SETD1A: variants seen among roughly 807,000 people sequenced by gnomAD.
SETD1A encodes the protein histone-lysine N-methyltransferase SETD1A.
In SETD1A, 29 loss-of-function variants were observed where a neutral mutation model predicts 149.9. The ratio of observed to expected loss-of-function variants is 0.19; its 90% CI spans 0.14 to 0.26. SETD1A has a LOEUF of 0.26. SETD1A is among the 10% of genes least tolerant of loss of function. SETD1A has a pLI of 1.00. For synonymous variants in SETD1A, 1,141 were observed against 968.5 expected (o/e 1.18, Z -3.31); for missense variants, 2,109 against 2,353.1 (o/e 0.90, Z 2.15).
Position 30,964,121 on chromosome 16 carries a change from G to A in SETD1A, c.667G>A (p.Asp223Asn), listed in dbSNP as rs550270592. Residue 223 changes from aspartate to asparagine, a missense_variant, in exon 6 of 19, where the codon GAC (aspartate) becomes AAC (asparagine). By Grantham distance (23) the Asp-to-Asn change is conservative. Around this residue, in one of 8 missense-constraint regions of SETD1A, gnomAD observed 410 missense variants for 394.8 expected, o/e 1.04. Transcript: ENST00000262519. ...CGAATCCCGCCGCCGCTCTTCCTCT[G>A]ACACAGCTGCCTACCCAGCAGGCAC... Reference protein sequence around the residue: ...TAESRRRSSSDTAAYPAGTTA... With the variant: ...TAESRRRSSSNTAAYPAGTTA... 9 of 1,613,810 alleles carry A rather than the reference G, an allele frequency of 5.6e-6. No homozygotes were observed. The East Asian group carries it at 1.8e-4, about 32-fold the overall frequency.
intron 3 of SETD1A, among the ~76,000 whole-genome samples, chr16:30,960,444 T>TG (rs1412960303): frequency 5.3e-5 from 8 of 152,340 alleles, no homozygotes; most frequent in African/African-American, 1.9e-4. Context: ...TCAGTAAGAA[T>TG]GACACCATCT....
chr16:30,973,845 T>C (rs909311105), intron 13 of SETD1A, among the ~76,000 whole-genome samples: 1 of 152,050 alleles, frequency 6.6e-6, no homozygotes, highest in Non-Finnish European at 1.5e-5. Context: ...CTCTCCAACC[T>C]CTTCTGGGCC....
chr16:30,961,740 A>G lies in SETD1A; in HGVS notation c.517+203A>G, dbSNP rs186442914. The stretch of plus-strand genomic sequence containing the variant: ...GTGGTGTCTCCAGCAAGGTCGGGCA[A>G]TAGGCCATAATCAAGCACATAACTA... On this transcript the variant is annotated intron_variant, in intron 4 of 18. Coordinates refer to ENST00000262519, the MANE Select transcript of SETD1A (RefSeq NM_014712.3). The surrounding 1 kb of genome is among the most constrained non-coding windows in gnomAD (Gnocchi z 4.0). Among the ~76,000 whole-genome samples, 309 of 152,170 alleles carry G rather than the reference A, an allele frequency of 2.0e-3. 2 individuals carry two copies. The highest frequency in any genetic ancestry group is 7.1e-3 in the African/African-American group (293 of 41,514).
At chr16:30,966,518 G>A in intron 8 of SETD1A, 132 bp downstream of exon 8, 2 of 1,386,816 alleles carry the variant, frequency 1.4e-6, no homozygotes, top group Non-Finnish European at 1.9e-6. Flanking sequence ...GGCCCTGCAG[G>A]CCACCCTGGG....
rs746035279 is a variant in SETD1A, at chr16:30,964,734, C to G, written c.992C>G (p.Thr331Ser). Residue 331 changes from threonine (T) to serine (S), a missense_variant, in exon 7 of 19, where the codon ACT becomes AGT. Physicochemically the swap from Thr to Ser is moderately conservative, Grantham distance 58 (BLOSUM62 1). Around this residue, in one of 8 missense-constraint regions of SETD1A, gnomAD observed 410 missense variants for 394.8 expected, o/e 1.04. Transcript: ENST00000262519. ...TTASTAIAAT[T>S]AATASSSASS... ...GCCTCCACGGCCATCGCCGCCACCACTGCAGCCACTGCCTCATCCTCCGCC... is the reference window on the plus strand; with the variant it reads ...GCCTCCACGGCCATCGCCGCCACCAGTGCAGCCACTGCCTCATCCTCCGCC... 1.9e-6 allele frequency: 3 copies of G among 1,614,238 alleles called. No individual in the cohort carries two copies. Among genetic ancestry groups the G allele is most frequent in the Non-Finnish European group, 2.5e-6 (3 of 1,180,044 alleles).
intron 10 of SETD1A, among the ~76,000 whole-genome samples, chr16:30,968,948 T>G (rs1057299197): frequency 1.3e-5 from 2 of 151,694 alleles, no homozygotes; most frequent in African/African-American, 4.8e-5. Context: ...CTACAAAAAT[T>G]TTTAAAAATT....
Position 30,961,743 on chromosome 16 carries a change from G to A in SETD1A, c.517+206G>A, listed in dbSNP as rs1234313530. On this transcript the variant is annotated intron_variant, in intron 4 of 18. Transcript: ENST00000262519. This position sits in a 1 kb window ranked among gnomAD's most constrained non-coding sequence, Gnocchi z 4.0. ...GTGTCTCCAGCAAGGTCGGGCAATA[G>A]GCCATAATCAAGCACATAACTATCT... 5.9e-5 allele frequency among the ~76,000 whole-genome samples: 9 copies of A among 151,584 alleles called. No homozygotes were observed.
intron 13 of SETD1A, among the ~76,000 whole-genome samples, chr16:30,973,710 C>T (rs538300264): frequency 1.3e-5 from 2 of 152,198 alleles, no homozygotes; most frequent in Admixed American, 6.6e-5. Flanking sequence ...CCCAGTTGCA[C>T]GTTGTTGAGA....
rs1415699702 is a variant in SETD1A at position 30,980,174 on chromosome 16, C to T, written c.4388C>T (p.Thr1463Ile). ...AGCGGGGCTGACTGGCTCAACGACA[C>T]TCACTGGGTCCATCACACAAATATC... is the stretch of plus-strand genomic sequence containing the variant. ...QTSGADWLND[T>I]HWVHHTITNL... The change falls in exon 14 of 19, where the codon ACT (threonine) becomes ATT (isoleucine). Residue 1463 changes from threonine to isoleucine, a missense_variant. Thr to Ile is a moderately conservative substitution (Grantham distance 89, BLOSUM62 -1). Around this residue, in one of 8 missense-constraint regions of SETD1A, gnomAD observed 254 missense variants for 409.3 expected, o/e 0.62. Transcript: ENST00000262519. The surrounding 1 kb of genome is among the most constrained non-coding windows in gnomAD (Gnocchi z 7.7). 6.2e-7 allele frequency: 1 copy of T among 1,608,754 alleles called. No individual in the cohort carries two copies. Among genetic ancestry groups the T allele is most frequent in the Admixed American group, 1.7e-5 (1 of 58,998 alleles).
At chr16:30,963,039 CT>C (rs1343574675) in intron 4 of SETD1A, among the ~76,000 whole-genome samples, 1 of 152,172 alleles carries the variant, frequency 6.6e-6, no homozygotes, top group East Asian at 1.9e-4. Flanking sequence ...GTTCTGCATG[CT>C]TTAGTTTACA....
At position 30,980,565 on chromosome 16, in the gene SETD1A, G is replaced by A; in HGVS notation, c.4489G>A (p.Glu1497Lys). The A allele has an allele frequency of 6.2e-7, 1 of 1,614,150 alleles. No individual in the cohort carries two copies. The highest frequency in any genetic ancestry group is 8.5e-7 in the Non-Finnish European group (1 of 1,180,040). The change falls in exon 15 of 19, where the codon GAA becomes AAA. Residue 1497 changes from glutamate to lysine, a missense_variant. Glu to Lys is a moderately conservative substitution (Grantham distance 56). Coordinates refer to ENST00000262519, the MANE Select transcript of SETD1A (RefSeq NM_014712.3). The surrounding 1 kb of genome is among the most constrained non-coding windows in gnomAD (Gnocchi z 7.7). ...REHQTGSARS[E>K]GYYPISKKEK... ...GCACCAGACAGGCTCAGCCCGCAGCGAAGGCTACTACCCCATCAGCAAGAA... is the reference window on the plus strand; with the variant it reads ...GCACCAGACAGGCTCAGCCCGCAGCAAAGGCTACTACCCCATCAGCAAGAA...
intron 8 of SETD1A, among the ~76,000 whole-genome samples, 160 bp downstream of exon 8, chr16:30,966,546 G>A (rs1212595877): frequency 1.3e-5 from 2 of 152,176 alleles, no homozygotes; most frequent in African/African-American, 4.8e-5. Flanking sequence ...GGGAGTTGAG[G>A]GGACAGAGAA....
In SETD1A at chr16:30,983,158, C is replaced by T. The variant is rs1040922361; in HGVS notation, c.4813-477C>T. Among the ~76,000 whole-genome samples the T allele has an allele frequency of 6.6e-6, 1 of 152,150 alleles. No individual in the cohort carries two copies. The highest frequency in any genetic ancestry group is 1.5e-5 in the Non-Finnish European group (1 of 68,016). On this transcript the variant is annotated intron_variant, in intron 17 of 18. Transcript: ENST00000262519. This position sits in a 1 kb window ranked among gnomAD's most constrained non-coding sequence, Gnocchi z 6.8. ...TGTCTTCTGGGAAGTAAGGGTTGCT[C>T]CTCACACGGAGGTGCGGGGCCTGAC... is the stretch of plus-strand genomic sequence containing the variant.
chr16:30,970,981 G>A lies in SETD1A; in HGVS notation c.3017-397G>A, dbSNP rs558102186. 9.7e-4 allele frequency among the ~76,000 whole-genome samples: 147 copies of A among 152,106 alleles called. 1 individual carries two copies. The highest frequency in any genetic ancestry group is 3.4e-3 in the African/African-American group (141 of 41,488). On this transcript the variant is annotated intron_variant, in intron 12 of 18. Transcript: ENST00000262519. Reference sequence around the variant, plus strand: ...AGAATCCTTTTTCACCCAATCCTTCGTCCAGACTGGGTCCTGAGACCCACT... The same window carrying A: ...AGAATCCTTTTTCACCCAATCCTTCATCCAGACTGGGTCCTGAGACCCACT...
At chr16:30,958,052 G>A (rs1187891893) in intron 1 of SETD1A, 88 bp downstream of exon 1, 2 of 150,542 alleles carry the variant, frequency 1.3e-5, no homozygotes, top group Admixed American at 1.3e-4. Context: ...GTCTCGCGCT[G>A]CCGCTGCCGC....
intron 6 of SETD1A, 114 bp downstream of exon 6, chr16:30,964,437 T>G (rs2056105353): frequency 7.6e-7 from 1 of 1,321,004 alleles, no homozygotes; most frequent in Admixed American, 2.1e-5. Flanking sequence ...TGTCCTAGTT[T>G]CTCTGTGGAT....
rs780194513 is a variant in SETD1A, at chr16:30,967,024, A to G, written c.2646A>G (p.Ser882=). Residue 882 remains serine (S), a synonymous_variant, in exon 9 of 19, where the codon TCA becomes TCG. Transcript: ENST00000262519. Reference sequence around the variant, plus strand: ...GCATCGAGGCTTTCGCCTTTGGGTCAGGGCTGAGAGGGGCCCTGCGGCTGC... The same window carrying G: ...GCATCGAGGCTTTCGCCTTTGGGTCGGGGCTGAGAGGGGCCCTGCGGCTGC... The part of the protein sequence containing the change: ...TTGIEAFAFG[S]GLRGALRLPS... 21 of 1,565,082 alleles carry G rather than the reference A, an allele frequency of 1.3e-5. No individual in the cohort carries two copies. In the East Asian group the frequency reaches 4.5e-4, roughly 34 times the overall value.
Position 30,964,079 on chromosome 16 carries a change from G to A in SETD1A, c.640-15G>A. ...GAGCCCATTCCTCTCTCCTTGCCCT[G>A]CTCTGTCGCTCTAGGCCGAATCCCG... On this transcript the variant is annotated splice_polypyrimidine_tract_variant and intron_variant, in intron 5 of 18. Coordinates refer to ENST00000262519, the MANE Select transcript of SETD1A (RefSeq NM_014712.3). 6.2e-7 allele frequency: 1 copy of A among 1,606,140 alleles called. No homozygotes were observed. Among genetic ancestry groups the A allele is most frequent in the Non-Finnish European group, 8.5e-7 (1 of 1,176,638 alleles).
At chr16:30,958,672 GC>G in intron 1 of SETD1A, 44 bp from the exon 2 acceptor site, 4 of 1,549,778 alleles carry the variant, frequency 2.6e-6, no homozygotes, top group Non-Finnish European at 8.9e-7. Flanking sequence ...GGGGAGTCAG[GC>G]CCCAAGTCCT....
Sources: gnomAD v4.1 joint callset for allele counts (sites outside exome capture counted in the v4.1 genomes callset) on GRCh38, gnomAD v4.1.1 for gene constraint, gnomAD v4.1.1 regional missense constraint, Gnocchi (gnomAD v3.1) non-coding constraint, MANE v1.5 for transcripts, NCBI Gene and HGNC (gene_info 2026-07-23, HGNC 2026-07-21) for gene names.